The following ASZ1 variants were observed in gnomAD, a reference collection of about 807,000 sequenced individuals.
ASZ1 encodes ankyrin repeat, SAM and basic leucine zipper domain-containing protein 1.
A neutral mutation model predicts 61.8 loss-of-function variants in ASZ1; 67 were observed. That is an observed-to-expected ratio of 1.08 (90% CI 0.89 to 1.33). The LOEUF (loss-of-function observed/expected upper bound fraction) is 1.33. Among genes scored for constraint, ASZ1 ranks in the 40% most tolerant of loss-of-function variants. The pLI is 0.00. For synonymous variants in ASZ1, 193 were observed against 192.7 expected (o/e 1.00, Z -0.01); for missense variants, 577 against 554.5 (o/e 1.04, Z -0.41).
intron 12 of ASZ1, among the ~76,000 whole-genome samples, chr7:117,365,169 A>C (rs933515988): frequency 1.1e-4 from 16 of 152,142 alleles, no homozygotes; most frequent in Admixed American, 2.6e-4. Flanking sequence ...AAACCAACCC[A>C]CTAGCTTGCT....
intron 4 of ASZ1, among the ~76,000 whole-genome samples, chr7:117,390,944 C>T (rs186924834): frequency 1.3e-5 from 2 of 152,250 alleles, no homozygotes; most frequent in East Asian, 3.9e-4. Flanking sequence ...CTTTGGAATC[C>T]ACCTTCCTTG....
intron 3 of ASZ1, among the ~76,000 whole-genome samples, chr7:117,421,281 T>C (rs926981257): frequency 1.3e-5 from 2 of 152,238 alleles, no homozygotes; most frequent in Admixed American, 1.3e-4. Flanking sequence ...AGCATGATCA[T>C]AACTCACTGC....
intron 9 of ASZ1, among the ~76,000 whole-genome samples, chr7:117,380,589 C>A (rs1796231131): frequency 2.0e-5 from 3 of 151,504 alleles, no homozygotes; most frequent in Admixed American, 2.0e-4. Flanking sequence ...ATACATCCCG[C>A]AGCTATATGT....
chr7:117,377,548 A>G (rs895625853), intron 10 of ASZ1, among the ~76,000 whole-genome samples: 4 of 152,200 alleles, frequency 2.6e-5, no homozygotes, highest in Non-Finnish European at 5.9e-5. Flanking sequence ...TTTTAAAAAA[A>G]GAAAACCTAA....
chr7:117,402,867 A>G (rs1796706494), intron 4 of ASZ1, among the ~76,000 whole-genome samples: 1 of 152,146 alleles, frequency 6.6e-6, no homozygotes, highest in African/African-American at 2.4e-5. Flanking sequence ...TGTGCTGCCC[A>G]TACTCCGTTT....
intron 4 of ASZ1, among the ~76,000 whole-genome samples, chr7:117,410,383 C>T (rs1796867310): frequency 1.3e-5 from 2 of 151,626 alleles, no homozygotes; most frequent in African/African-American, 2.4e-5. Flanking sequence ...AGATCATTCA[C>T]AAATAAGTAA....
intron 10 of ASZ1, among the ~76,000 whole-genome samples, chr7:117,375,998 C>A (rs2116457831): frequency 6.6e-6 from 1 of 151,296 alleles, no homozygotes; most frequent in Non-Finnish European, 1.5e-5. Context: ...AAAGCAAAAA[C>A]AATAGAGAAA....
At chr7:117,390,729 A>C (rs558993934) in intron 4 of ASZ1, among the ~76,000 whole-genome samples, 1 of 152,240 alleles carries the variant, frequency 6.6e-6, no homozygotes, top group Non-Finnish European at 1.5e-5. Context: ...TTTGAGAAGA[A>C]GCCTCACTCT....
At chr7:117,368,319 T>C in intron 11 of ASZ1, 1 of 1,030,894 alleles carries the variant, frequency 9.7e-7, no homozygotes, top group Non-Finnish European at 1.2e-6. Flanking sequence ...TTCACTTGGG[T>C]CTCCTGTCAC....
At chr7:117,369,282 T>C (rs1223882440) in intron 10 of ASZ1, among the ~76,000 whole-genome samples, 1 of 152,052 alleles carries the variant, frequency 6.6e-6, no homozygotes, top group Non-Finnish European at 1.5e-5. Flanking sequence ...GGTGCAAGAG[T>C]ACAGGGGTAA....
chr7:117,380,086 T>A (rs1554360882), intron 9 of ASZ1, 39 bp from the exon 10 acceptor site: 10 of 1,328,882 alleles, frequency 7.5e-6, no homozygotes, highest in Non-Finnish European at 1.1e-5. Flanking sequence ...AAGTTAGTTA[T>A]ACTTGAGTAA....
At chr7:117,370,258 G>C (rs1257889455) in intron 10 of ASZ1, among the ~76,000 whole-genome samples, 2 of 152,114 alleles carry the variant, frequency 1.3e-5, no homozygotes, top group Admixed American at 6.6e-5. Context: ...TAGTATTAGA[G>C]ATGTCTCCAA....
chr7:117,427,359 A>G lies in ASZ1; in HGVS notation c.102T>C (p.Ser34=). Residue 34 remains serine (S), a synonymous_variant, in exon 1 of 13, where the codon TCT becomes TCC. Transcript: ENST00000284629. ...GWEIGYLDRT[S]QKLKRLLPIE... is the part of the protein sequence containing the mutation. ...AAGACAAGGCCTCCTCCGCTACCTG[A>G]GACGTCCGGTCGAGATACCCAATCT... The G allele has an allele frequency of 6.2e-7, 1 of 1,614,188 alleles. No individual in the cohort carries two copies. The highest frequency in any genetic ancestry group is 1.3e-5 in the African/African-American group (1 of 75,070).
intron 3 of ASZ1, among the ~76,000 whole-genome samples, chr7:117,420,765 T>C (rs576739041): frequency 3.3e-5 from 5 of 152,340 alleles, no homozygotes; most frequent in Admixed American, 6.5e-5. Flanking sequence ...TTCATCTTTC[T>C]GAACTCACTG....
At chr7:117,418,366 AG>A (rs1797035740) in intron 4 of ASZ1, among the ~76,000 whole-genome samples, 1 of 152,176 alleles carries the variant, frequency 6.6e-6, no homozygotes, top group African/African-American at 2.4e-5. Flanking sequence ...TTTCGTTAAA[AG>A]TTTGAGGCCG....
At chr7:117,373,748 G>A (rs17139757) in intron 10 of ASZ1, among the ~76,000 whole-genome samples, 3,473 of 152,084 alleles carry the variant, frequency 0.023, 132 homozygotes, top group African/African-American at 0.08. Flanking sequence ...CTTTTAATAC[G>A]TGAACTATTC....
intron 4 of ASZ1, among the ~76,000 whole-genome samples, chr7:117,413,862 T>G (rs1475864921): frequency 6.6e-6 from 1 of 152,074 alleles, no homozygotes; most frequent in Non-Finnish European, 1.5e-5. Context: ...AAGATGCTGA[T>G]TTCTATTTCT....
At chr7:117,382,860 C>G (rs1249350949) in intron 7 of ASZ1, 126 bp downstream of exon 7, 1 of 1,072,402 alleles carries the variant, frequency 9.3e-7, no homozygotes, top group Non-Finnish European at 1.2e-6. Context: ...AAAACCCAGA[C>G]ATTTAAAAAT....
At chr7:117,381,881 G>A (rs187935385) in intron 8 of ASZ1, among the ~76,000 whole-genome samples, 188 bp downstream of exon 8, 1 of 152,206 alleles carries the variant, frequency 6.6e-6, no homozygotes, top group East Asian at 1.9e-4. Context: ...TCTAATTTAT[G>A]TAAATTTCTA....
Sources: gnomAD v4.1 joint callset for allele counts (sites outside exome capture counted in the v4.1 genomes callset) on GRCh38, gnomAD v4.1.1 for gene constraint, MANE v1.5 for transcripts, NCBI Gene and HGNC (gene_info 2026-07-23, HGNC 2026-07-21) for gene names.